The following SSBP2 variants were observed in gnomAD, a reference collection of about 807,000 sequenced individuals.
SSBP2 encodes the protein single stranded DNA binding protein 2.
A neutral mutation model predicts 61.8 loss-of-function variants in SSBP2; 17 were observed. The ratio of observed to expected loss-of-function variants is 0.28; its 90% CI spans 0.19 to 0.41. SSBP2 has a LOEUF of 0.41. Ranked by LOEUF, SSBP2 falls within the 10% of genes least tolerant of loss-of-function variation. The pLI is 1.00. For missense variants in SSBP2, 310 were observed against 458.7 expected, an observed-to-expected ratio of 0.68 and a Z score of 2.96; for synonymous variants, 139 against 141.3, an observed-to-expected ratio of 0.98 and a Z score of 0.12.
chr5:81,431,388 A>G (rs1354830477), intron 15 of SSBP2, among the ~76,000 whole-genome samples: 1 of 152,196 alleles, frequency 6.6e-6, no homozygotes. Flanking sequence ...ATTTTATTAC[A>G]TTCTCACTTA....
chr5:81,505,887 C>T (rs945088637), intron 5 of SSBP2, among the ~76,000 whole-genome samples: 2 of 152,134 alleles, frequency 1.3e-5, no homozygotes, highest in African/African-American at 4.8e-5. Context: ...AATTGGATTT[C>T]TAATAGGAAA....
intron 4 of SSBP2, among the ~76,000 whole-genome samples, chr5:81,586,996 C>A (rs1775106535): frequency 6.6e-6 from 1 of 152,086 alleles, no homozygotes; most frequent in Non-Finnish European, 1.5e-5. Flanking sequence ...CTGTGTTACT[C>A]CACTAAGAAG....
chr5:81,471,466 T>G (rs557629547), intron 8 of SSBP2, among the ~76,000 whole-genome samples: 3 of 152,046 alleles, frequency 2.0e-5, no homozygotes, highest in Admixed American at 1.3e-4. Context: ...TTTGTGTATA[T>G]TTAAAATGTA....
chr5:81,735,276 G>A lies in SSBP2; in HGVS notation c.62+15705C>T, dbSNP rs184297959. ...CTGATAAGACAATCATGAGATTTAC[G>A]TAGAAATACACTATTAGTAATATAT... On this transcript the variant is annotated intron_variant, in intron 1 of 16. Transcript: ENST00000320672. Among the ~76,000 whole-genome samples, 11 of 152,132 alleles carry A rather than the reference G, an allele frequency of 7.2e-5. No homozygotes were observed. The East Asian group carries it at 1.7e-3, about 24-fold the overall frequency.
intron 1 of SSBP2, among the ~76,000 whole-genome samples, chr5:81,717,597 T>C (rs1044003333): frequency 6.6e-6 from 1 of 152,126 alleles, no homozygotes; most frequent in African/African-American, 2.4e-5. Context: ...TAAATAATAC[T>C]GTCATTTCTT....
intron 4 of SSBP2, among the ~76,000 whole-genome samples, chr5:81,588,963 C>A (rs113441217): frequency 6.6e-6 from 1 of 152,076 alleles, no homozygotes; most frequent in Non-Finnish European, 1.5e-5. Flanking sequence ...ACTCAGGAGG[C>A]TGAGGTGGAA....
At chr5:81,504,202 T>C (rs553790885) in intron 5 of SSBP2, among the ~76,000 whole-genome samples, 1 of 152,324 alleles carries the variant, frequency 6.6e-6, no homozygotes, top group South Asian at 2.1e-4. Flanking sequence ...TCACCACTGC[T>C]ACCTCCTTGG....
At chr5:81,705,091 T>C (rs1012549626) in intron 1 of SSBP2, among the ~76,000 whole-genome samples, 2 of 152,122 alleles carry the variant, frequency 1.3e-5, no homozygotes, top group African/African-American at 4.8e-5. Context: ...ATTACATGTA[T>C]ATAATATACA....
In SSBP2 at chr5:81,716,854, T is replaced by C. The variant is rs186099465; in HGVS notation, c.62+34127A>G. 2.2e-4 allele frequency among the ~76,000 whole-genome samples: 33 copies of C among 152,298 alleles called. No individual in the cohort carries two copies. In the East Asian group the frequency reaches 6.2e-3, roughly 28 times the overall value. On this transcript the variant is annotated intron_variant, in intron 1 of 16. Transcript: ENST00000320672. ...GAACACATTTAAAGTTCAGATCATT[T>C]TTAAGAAAGGGAAGCATCAAGTATG... is the stretch of plus-strand genomic sequence containing the variant.
At chr5:81,691,888 G>A (rs1019424683) in intron 1 of SSBP2, among the ~76,000 whole-genome samples, 6 of 152,056 alleles carry the variant, frequency 3.9e-5, no homozygotes, top group Non-Finnish European at 1.5e-5. Context: ...TTATTTCAGG[G>A]GTGCAAGGAT....
At chr5:81,731,824 A>G (rs1045106823) in intron 1 of SSBP2, among the ~76,000 whole-genome samples, 82 of 150,966 alleles carry the variant, frequency 5.4e-4, no homozygotes, top group Non-Finnish European at 1.1e-3. Context: ...TAATATTGTT[A>G]TAATAAATTA....
chr5:81,724,616 C>T lies in SSBP2; in HGVS notation c.62+26365G>A, dbSNP rs958285708. 2.6e-5 allele frequency among the ~76,000 whole-genome samples: 4 copies of T among 151,992 alleles called. No individual in the cohort carries two copies. In the East Asian group the frequency reaches 7.7e-4, roughly 29 times the overall value. Reference sequence around the variant, plus strand: ...AGAAAAATAAAATCACCCCCCACACCTCACAGCCTATACAAAGGTAAACTC... The same window carrying T: ...AGAAAAATAAAATCACCCCCCACACTTCACAGCCTATACAAAGGTAAACTC... On this transcript the variant is annotated intron_variant, in intron 1 of 16. Transcript: ENST00000320672.
intron 5 of SSBP2, among the ~76,000 whole-genome samples, chr5:81,491,133 A>T (rs1027711243): frequency 1.3e-5 from 2 of 152,216 alleles, no homozygotes; most frequent in African/African-American, 4.8e-5. Context: ...GGACTAATTT[A>T]AAAAATTTAA....
chr5:81,546,071 G>A (rs895802684), intron 4 of SSBP2, among the ~76,000 whole-genome samples: 1 of 152,032 alleles, frequency 6.6e-6, no homozygotes, highest in African/African-American at 2.4e-5. Flanking sequence ...GTACAAGCCT[G>A]GCTGATCAAG....
At chr5:81,590,334 CAAGT>C in intron 4 of SSBP2, among the ~76,000 whole-genome samples, 1 of 152,238 alleles carries the variant, frequency 6.6e-6, no homozygotes, top group Admixed American at 6.5e-5. Context: ...AAATGCTTTC[CAAGT>C]AAGAGGTAGA....
chr5:81,613,845 A>G (rs929123709), intron 4 of SSBP2, among the ~76,000 whole-genome samples: 10 of 152,016 alleles, frequency 6.6e-5, no homozygotes, highest in African/African-American at 2.2e-4. Context: ...TTCTTCTGTC[A>G]ACCAAGGGTA....
intron 16 of SSBP2, among the ~76,000 whole-genome samples, 178 bp from the exon 17 acceptor site, chr5:81,420,711 C>G (rs1396731180): frequency 6.6e-6 from 1 of 152,138 alleles, no homozygotes; most frequent in African/African-American, 2.4e-5. Flanking sequence ...ACAGACTTAA[C>G]TTAGTACTGA....
chr5:81,502,301 C>A (rs1329977685), intron 5 of SSBP2, among the ~76,000 whole-genome samples: 1 of 152,152 alleles, frequency 6.6e-6, no homozygotes, highest in Non-Finnish European at 1.5e-5. Context: ...AAGCATTTTC[C>A]TCATTTGGCT....
rs1167803986 is a variant in SSBP2, at chr5:81,418,718, T to C, written c.*1786A>G. ...TACTGTACTGAATACCAAAGGCAAC[T>C]GTAATACAATGGTATTTGTGTATCT... On this transcript the variant is annotated 3_prime_UTR_variant, in exon 17 of 17. Transcript: ENST00000320672. The C allele has an allele frequency of 6.6e-6, 1 of 152,216 alleles. No homozygotes were observed. Among genetic ancestry groups the C allele is most frequent in the South Asian group, 2.1e-4 (1 of 4,832 alleles). The allele number at this position is 152,216 out of a possible 1,614,324, so 9.4% of individuals were successfully genotyped here.
Sources: gnomAD v4.1 joint callset for allele counts (sites outside exome capture counted in the v4.1 genomes callset) on GRCh38, gnomAD v4.1.1 for gene constraint, MANE v1.5 for transcripts, NCBI Gene and HGNC (gene_info 2026-07-23, HGNC 2026-07-21) for gene names.